The following ZZEF1 variants were observed in gnomAD, a reference collection of about 807,000 sequenced individuals.
The protein encoded by ZZEF1 is zinc finger ZZ-type and EF-hand domain-containing protein 1.
In ZZEF1, 157 loss-of-function variants were observed where a neutral mutation model predicts 342.8. That is an observed-to-expected ratio of 0.46 (90% CI 0.40 to 0.52). ZZEF1 has a LOEUF of 0.52. ZZEF1 is among the 20% of genes least tolerant of loss of function. ZZEF1 has a pLI of 0.00. For synonymous variants in ZZEF1, 1,505 were observed against 1,429.1 expected, an observed-to-expected ratio of 1.05 and a Z score of -1.20; for missense variants, 3,480 against 3,725.6, an observed-to-expected ratio of 0.93 and a Z score of 1.72.
chr17:4,011,883 G>A (rs2055968131), intron 52 of ZZEF1, among the ~76,000 whole-genome samples: 1 of 152,182 alleles, frequency 6.6e-6, no homozygotes, highest in African/African-American at 2.4e-5. Flanking sequence ...ATGTACCTGC[G>A]AGCTGAGAAG....
chr17:4,087,238 C>T (rs1034635318), intron 14 of ZZEF1, among the ~76,000 whole-genome samples, 196 bp downstream of exon 14: 1 of 152,130 alleles, frequency 6.6e-6, no homozygotes, highest in Non-Finnish European at 1.5e-5. Flanking sequence ...TACTGTAATC[C>T]TTGACCTGCT....
chr17:4,072,829 A>G (rs1175287331), intron 24 of ZZEF1, 73 bp from the exon 25 acceptor site: 2 of 1,433,686 alleles, frequency 1.4e-6, no homozygotes, highest in Non-Finnish European at 9.4e-7. Flanking sequence ...AATGAGAAAG[A>G]AAAGGTTAAA....
In ZZEF1 at chr17:4,104,717, T is replaced by C; in HGVS notation, c.1489A>G (p.Thr497Ala). The change falls in exon 8 of 55, where the codon ACT becomes GCT. Residue 497 changes from threonine to alanine, a missense_variant. Coordinates refer to ENST00000381638, the MANE Select transcript of ZZEF1 (RefSeq NM_015113.4). ...AKVMSSLCTI[T>A]DHLDTQYDAS... ...TCATACTGCGTGTCCAGATGGTCAG[T>C]GATGGTGCATAGAGAGCTCATGACT... 6.2e-7 allele frequency: 1 copy of C among 1,614,150 alleles called. No homozygotes were observed. Among genetic ancestry groups the C allele is most frequent in the Middle Eastern group, 1.7e-4 (1 of 6,058 alleles).
intron 9 of ZZEF1, among the ~76,000 whole-genome samples, chr17:4,098,090 TC>T (rs2058068650): frequency 6.6e-6 from 1 of 151,090 alleles, no homozygotes; most frequent in Non-Finnish European, 1.5e-5. Context: ...AACACAAAAT[TC>T]GCCGGGCGTG....
At chr17:4,025,237 C>T (rs2038846998) in intron 42 of ZZEF1, 119 bp from the exon 43 acceptor site, 2 of 998,022 alleles carry the variant, frequency 2.0e-6, no homozygotes, top group Admixed American at 4.3e-5. Context: ...ACATAAATCT[C>T]TCGGGCTCAG....
Position 4,110,687 on chromosome 17 carries a change from G to C in ZZEF1, c.1067-824C>G, listed in dbSNP as rs559484418. Among the ~76,000 whole-genome samples the C allele has an allele frequency of 2.0e-5, 3 of 150,626 alleles. No homozygotes were observed. In the East Asian group the frequency reaches 5.9e-4, roughly 29 times the overall value. ...GGAAACAATCTAAATGTCCAAGAAT[G>C]AGGGGTGGGTTAAAATTACGGCTTT... On this transcript the variant is annotated intron_variant, in intron 5 of 54. Coordinates refer to ENST00000381638, the MANE Select transcript of ZZEF1 (RefSeq NM_015113.4).
chr17:4,081,360 G>T lies in ZZEF1; in HGVS notation c.2829+16C>A. 1.2e-6 allele frequency: 2 copies of T among 1,606,726 alleles called. No individual in the cohort carries two copies. Among genetic ancestry groups the T allele is most frequent in the Non-Finnish European group, 1.7e-6 (2 of 1,174,864 alleles). On this transcript the variant is annotated intron_variant, in intron 18 of 54. Coordinates refer to ENST00000381638, the MANE Select transcript of ZZEF1 (RefSeq NM_015113.4). Reference sequence around the variant, plus strand: ...AAGCATGAGACAAAGAAAACAGGGAGGCAGCCACTGGATACCTCTCGAGCA... The same window carrying T: ...AAGCATGAGACAAAGAAAACAGGGATGCAGCCACTGGATACCTCTCGAGCA...
chr17:4,075,106 T>C lies in ZZEF1; in HGVS notation c.3474A>G (p.Lys1158=). Residue 1158 remains lysine (K), a synonymous_variant, in exon 23 of 55, where the codon AAA becomes AAG. Transcript: ENST00000381638. ...TRYDTKVGTD[K]WPKKVTFKAG... ...TGGGACTATCACTCACCTTGGGCCA[T>C]TTATCAGTGCCAACTTTTGTGTCAT... 6.2e-7 allele frequency: 1 copy of C among 1,614,224 alleles called. No homozygotes were observed. Among genetic ancestry groups the C allele is most frequent in the South Asian group, 1.1e-5 (1 of 91,086 alleles).
intron 9 of ZZEF1, among the ~76,000 whole-genome samples, chr17:4,098,327 G>A (rs1183502273): frequency 1.3e-5 from 2 of 151,756 alleles, no homozygotes; most frequent in African/African-American, 2.4e-5. Context: ...TGGGAGGATC[G>A]CTTGAGCCTG....
In ZZEF1 at chr17:4,034,015, C is replaced by G. The variant is rs925801195; in HGVS notation, c.6584G>C (p.Ser2195Thr). 3 of 1,613,176 alleles carry G rather than the reference C, an allele frequency of 1.9e-6. No individual in the cohort carries two copies. The African/African-American group carries it at 4.0e-5, about 22-fold the overall frequency. Residue 2195 changes from serine (S) to threonine (T), a missense_variant and splice_region_variant, in exon 40 of 55, where the codon AGC becomes ACC. Around this residue, in one of 5 missense-constraint regions of ZZEF1, gnomAD observed 1,269 missense variants for 1,342.4 expected, o/e 0.95. Coordinates refer to ENST00000381638, the MANE Select transcript of ZZEF1 (RefSeq NM_015113.4). ...TTAGAGGAGCGAGGACCAAGGCTACCTGTCCAGACACACAGCTCCCAGGCT... is the reference window on the plus strand; with the variant it reads ...TTAGAGGAGCGAGGACCAAGGCTACGTGTCCAGACACACAGCTCCCAGGCT... ...LFSLGAVCLD[S>T]RVGLDWACSM...
At chr17:4,011,405 A>G (rs2055951604) in intron 52 of ZZEF1, among the ~76,000 whole-genome samples, 3 of 149,842 alleles carry the variant, frequency 2.0e-5, no homozygotes, top group African/African-American at 7.3e-5. Context: ...CCATGTTTCA[A>G]AAAAAAAAAG....
chr17:4,079,272 C>T (rs556056347), intron 18 of ZZEF1, among the ~76,000 whole-genome samples: 4 of 152,264 alleles, frequency 2.6e-5, no homozygotes, highest in African/African-American at 9.6e-5. Context: ...CAGGTGAGAA[C>T]GCTGAAGTTT....
chr17:4,137,680 C>G (rs2058774847), intron 1 of ZZEF1, among the ~76,000 whole-genome samples: 1 of 152,214 alleles, frequency 6.6e-6, no homozygotes. Context: ...CCACAGCCAG[C>G]CATCCCTTAC....
rs543856068 is a variant in ZZEF1, at chr17:4,107,003, C to G, written c.1278-1194G>C. Among the ~76,000 whole-genome samples, 6 of 152,304 alleles carry G rather than the reference C, an allele frequency of 3.9e-5. No individual in the cohort carries two copies. In the East Asian group the frequency reaches 1.2e-3, roughly 29 times the overall value. The stretch of plus-strand genomic sequence containing the variant: ...CACAATGAGCCATTTTGGGGTTGCA[C>G]AAACATGGCAGCTACACACAGATGC... On this transcript the variant is annotated intron_variant, in intron 6 of 54. Coordinates refer to ENST00000381638, the MANE Select transcript of ZZEF1 (RefSeq NM_015113.4).
At chr17:4,009,838 G>GC in intron 52 of ZZEF1, 81 bp from the exon 53 acceptor site, 1 of 1,492,518 alleles carries the variant, frequency 6.7e-7, no homozygotes, top group Non-Finnish European at 9.1e-7. Flanking sequence ...AGGAACCACA[G>GC]CTCAGACCCT....
intron 39 of ZZEF1, 58 bp downstream of exon 39, chr17:4,042,371 C>A: frequency 6.4e-7 from 1 of 1,555,672 alleles, no homozygotes; most frequent in Non-Finnish European, 8.7e-7. Flanking sequence ...ATGTGGCTTT[C>A]CAAAACCTTC....
At chr17:4,115,872 C>CT (rs1459637315) in intron 3 of ZZEF1, among the ~76,000 whole-genome samples, 4 of 152,184 alleles carry the variant, frequency 2.6e-5, no homozygotes, top group East Asian at 1.9e-4. Flanking sequence ...ATTTATTAAT[C>CT]TTTTCTTTCA....
chr17:4,021,449 A>T (rs1409791289), intron 44 of ZZEF1, 129 bp from the exon 45 acceptor site: 1 of 648,598 alleles, frequency 1.5e-6, no homozygotes, highest in Non-Finnish European at 2.4e-6. Flanking sequence ...ATGTGAAATT[A>T]GAAAAGAAAC....
At chr17:4,038,470 A>G (rs557461075) in intron 39 of ZZEF1, among the ~76,000 whole-genome samples, 1 of 152,340 alleles carries the variant, frequency 6.6e-6, no homozygotes, top group South Asian at 2.1e-4. Context: ...ACTAATCACA[A>G]TAACATGGAT....
Sources: gnomAD v4.1 joint callset for allele counts (sites outside exome capture counted in the v4.1 genomes callset) on GRCh38, gnomAD v4.1.1 for gene constraint, gnomAD v4.1.1 regional missense constraint, MANE v1.5 for transcripts, NCBI Gene and HGNC (gene_info 2026-07-23, HGNC 2026-07-21) for gene names.